The following SORCS2 variants were observed in gnomAD, a reference collection of about 807,000 sequenced individuals.
SORCS2 encodes the protein sortilin related VPS10 domain containing receptor 2, also known as VPS10 domain-containing receptor SorCS2.
A neutral mutation model predicts 141.6 loss-of-function variants in SORCS2; 100 were observed. That is an observed-to-expected ratio of 0.71 (90% CI 0.60 to 0.83). The LOEUF (loss-of-function observed/expected upper bound fraction) is 0.83, where lower values mean the gene tolerates loss of function less well. SORCS2 is among the 40% of genes least tolerant of loss of function. The probability of loss-of-function intolerance (pLI) is 0.00; values close to 1 mark genes in which losing one functional copy is unlikely to be tolerated. For synonymous variants in SORCS2, 789 were observed against 676.9 expected (o/e 1.17, Z -2.57); for missense variants, 1,646 against 1,560.2 (o/e 1.05, Z -0.93).
At chr4:7,295,133 C>T (rs1577366613) in intron 1 of SORCS2, among the ~76,000 whole-genome samples, 2 of 26,486 alleles carry the variant, frequency 7.6e-5, no homozygotes, top group African/African-American at 2.0e-4. Context: ...CTTCCTCCTC[C>T]CCCTCCTCCT....
chr4:7,714,845 C>T (rs1240246437), intron 16 of SORCS2, among the ~76,000 whole-genome samples: 1 of 152,214 alleles, frequency 6.6e-6, no homozygotes, highest in African/African-American at 2.4e-5. Context: ...ATTGCAGCCT[C>T]CTCCACCTGT....
intron 1 of SORCS2, among the ~76,000 whole-genome samples, chr4:7,321,765 C>G (rs1045523368): frequency 3.9e-5 from 6 of 152,148 alleles, no homozygotes; most frequent in Admixed American, 1.3e-4. Flanking sequence ...GGGCAGGGGA[C>G]AGCTGGGGCA....
At chr4:7,313,942 C>T (rs1439953074) in intron 1 of SORCS2, among the ~76,000 whole-genome samples, 13 of 152,322 alleles carry the variant, frequency 8.5e-5, no homozygotes, top group Non-Finnish European at 1.6e-4. Flanking sequence ...CTGCTGCAGA[C>T]CCCAGAGCCC....
intron 10 of SORCS2, among the ~76,000 whole-genome samples, chr4:7,687,518 A>G (rs1010790058): frequency 2.6e-5 from 4 of 152,072 alleles, no homozygotes; most frequent in African/African-American, 9.7e-5. Context: ...GTGTTTCCGG[A>G]ACCCTCAGAT....
intron 2 of SORCS2, among the ~76,000 whole-genome samples, chr4:7,469,810 G>T (rs985103136): frequency 6.6e-6 from 1 of 152,208 alleles, no homozygotes; most frequent in African/African-American, 2.4e-5. Context: ...TCATTGCAGG[G>T]CTGTTTAAAA....
intron 2 of SORCS2, among the ~76,000 whole-genome samples, chr4:7,505,799 G>T (rs1013398794): frequency 6.6e-5 from 10 of 152,230 alleles, no homozygotes; most frequent in Non-Finnish European, 4.4e-5. Context: ...TGAACTCCAT[G>T]AGCCTCAGTT....
chr4:7,602,481 C>A (rs548588299), intron 3 of SORCS2, among the ~76,000 whole-genome samples: 1 of 144,146 alleles, frequency 6.9e-6, no homozygotes, highest in African/African-American at 2.6e-5. Context: ...CCAGACGGGG[C>A]GGCGGGGCAG....
chr4:7,631,270 C>G (rs919998826), intron 3 of SORCS2, among the ~76,000 whole-genome samples: 2 of 151,248 alleles, frequency 1.3e-5, no homozygotes, highest in African/African-American at 4.9e-5. Context: ...GTGCTTCTGA[C>G]AAGCAGGTCC....
intron 3 of SORCS2, among the ~76,000 whole-genome samples, chr4:7,590,815 C>T (rs1236583049): frequency 1.3e-5 from 2 of 152,192 alleles, no homozygotes; most frequent in Non-Finnish European, 2.9e-5. Flanking sequence ...AGACTTCTGG[C>T]CTCCAGAATT....
intron 2 of SORCS2, among the ~76,000 whole-genome samples, chr4:7,402,932 C>T (rs1453640231): frequency 1.3e-5 from 2 of 151,952 alleles, no homozygotes; most frequent in Non-Finnish European, 2.9e-5. Flanking sequence ...TTGACCCGTA[C>T]CTCTCTACTC....
At chr4:7,518,079 A>C (rs1733099867) in intron 2 of SORCS2, among the ~76,000 whole-genome samples, 1 of 152,244 alleles carries the variant, frequency 6.6e-6, no homozygotes, top group Non-Finnish European at 1.5e-5. Flanking sequence ...AGGGCTAGAC[A>C]GGAACAGAGG....
intron 1 of SORCS2, among the ~76,000 whole-genome samples, chr4:7,313,999 G>A (rs536425060): frequency 1.3e-5 from 2 of 152,374 alleles, no homozygotes; most frequent in South Asian, 2.1e-4. Flanking sequence ...TCGGGGACAT[G>A]CCTGTGTGGC....
At chr4:7,290,974 C>A (rs959462097) in intron 1 of SORCS2, among the ~76,000 whole-genome samples, 1 of 152,136 alleles carries the variant, frequency 6.6e-6, no homozygotes, top group African/African-American at 2.4e-5. Flanking sequence ...CCTGATCACT[C>A]CTAGAAGGGA....
intron 5 of SORCS2, among the ~76,000 whole-genome samples, chr4:7,657,766 G>C (rs1053954436): frequency 7.2e-5 from 11 of 151,994 alleles, no homozygotes; most frequent in Admixed American, 1.3e-4. Flanking sequence ...GAGTGGCTGA[G>C]TGAGTGAGTC....
In SORCS2 at chr4:7,742,275, C is replaced by T. The variant is rs1712736185; in HGVS notation, c.*2011C>T. 6.6e-6 allele frequency: 1 copy of T among 152,302 alleles called. No homozygotes were observed. The highest frequency in any genetic ancestry group is 1.5e-5 in the Non-Finnish European group (1 of 68,096). 9.4% of individuals were successfully genotyped at this position (152,302 alleles called of 1,614,324 possible). A position where few individuals can be genotyped will look rare whatever the true frequency, so the allele number is the denominator to read the frequency against. On this transcript the variant is annotated 3_prime_UTR_variant, in exon 27 of 27. Coordinates refer to ENST00000507866, the MANE Select transcript of SORCS2 (RefSeq NM_020777.3). ...GTCCTGCTGGCCACCCCACCCACACCTGTCCCTGGCCAGCAGGCCGCCTGC... is the reference window on the plus strand; with the variant it reads ...GTCCTGCTGGCCACCCCACCCACACTTGTCCCTGGCCAGCAGGCCGCCTGC...
At chr4:7,416,704 T>C (rs1333205026) in intron 2 of SORCS2, among the ~76,000 whole-genome samples, 2 of 132,944 alleles carry the variant, frequency 1.5e-5, no homozygotes, top group Non-Finnish European at 3.2e-5. Context: ...ATGCACTCAC[T>C]CACACTTGTG....
rs562713999 is a variant in SORCS2, at chr4:7,629,719, C to T, written c.649-8609C>T. Among the ~76,000 whole-genome samples the T allele has an allele frequency of 9.9e-5, 15 of 152,158 alleles. 1 individual carries two copies. Among genetic ancestry groups the T allele is most frequent in the East Asian group, 9.7e-4 (5 of 5,158 alleles). ...ATGGAGCTTCCAAATGCCTAGCCAC[C>T]GTGCAGATTTCCTCTCCGAGCCCAG... On this transcript the variant is annotated intron_variant, in intron 3 of 26. Coordinates refer to ENST00000507866, the MANE Select transcript of SORCS2 (RefSeq NM_020777.3).
intron 2 of SORCS2, among the ~76,000 whole-genome samples, chr4:7,485,214 A>C (rs1000907402): frequency 1.3e-5 from 2 of 152,200 alleles, no homozygotes; most frequent in Non-Finnish European, 1.5e-5. Flanking sequence ...TCCCCAGATG[A>C]GATCCAGGTC....
At chr4:7,221,326 C>G (rs1728693310) in intron 1 of SORCS2, among the ~76,000 whole-genome samples, 1 of 152,210 alleles carries the variant, frequency 6.6e-6, no homozygotes, top group Non-Finnish European at 1.5e-5. Flanking sequence ...GACCCTGGGC[C>G]TACGGGTGGA....
Sources: allele counts gnomAD v4.1 joint callset (sites outside exome capture counted in the v4.1 genomes callset), GRCh38; gene constraint gnomAD v4.1.1; transcripts MANE v1.5; gene names NCBI Gene and HGNC (gene_info 2026-07-23, HGNC 2026-07-21).